The following HS3ST5 variants were observed in gnomAD, a reference collection of about 807,000 sequenced individuals.
HS3ST5 encodes heparan sulfate glucosamine 3-O-sulfotransferase 5.
Under a neutral mutation model 25.4 loss-of-function variants are expected in HS3ST5, and 10 were observed. The ratio of observed to expected loss-of-function variants is 0.39; its 90% CI spans 0.24 to 0.67. The LOEUF is 0.67. HS3ST5 is among the 30% of genes least tolerant of loss of function. HS3ST5 has a pLI of 0.44. For synonymous variants in HS3ST5, 170 were observed against 162.4 expected (o/e 1.05, Z -0.36); for missense variants, 324 against 420.7 (o/e 0.77, Z 2.01).
chr6:114,274,008 G>A (rs1773744114), intron 1 of HS3ST5, among the ~76,000 whole-genome samples: 2 of 152,016 alleles, frequency 1.3e-5, no homozygotes, highest in South Asian at 4.1e-4. Flanking sequence ...AGTAGAGAGG[G>A]ACATTTTGAT....
rs146027844 is a variant in HS3ST5, at chr6:114,173,924, T to A, written c.-144-5462A>T. Among the ~76,000 whole-genome samples the A allele has an allele frequency of 2.8e-3, 433 of 152,166 alleles. 1 individual carries two copies. Among genetic ancestry groups the A allele is most frequent in the African/African-American group, 9.7e-3 (403 of 41,530 alleles). On this transcript the variant is annotated intron_variant, in intron 2 of 4. Coordinates refer to ENST00000312719, the MANE Select transcript of HS3ST5 (RefSeq NM_153612.4). ...AAAACCCAAAAACAAAATCAAATGC[T>A]TTGTTTATTGGCAATGCAGACTCTG...
chr6:114,270,882 A>G (rs930933577), intron 1 of HS3ST5, among the ~76,000 whole-genome samples: 37 of 152,272 alleles, frequency 2.4e-4, no homozygotes, highest in African/African-American at 8.4e-4. Context: ...CAGATTAACA[A>G]TTATCACAGA....
intron 3 of HS3ST5, among the ~76,000 whole-genome samples, chr6:114,162,045 T>A (rs1779000376): frequency 6.6e-6 from 1 of 152,156 alleles, no homozygotes; most frequent in Non-Finnish European, 1.5e-5. Flanking sequence ...AGTTGAATTT[T>A]CATCTAATTG....
chr6:114,333,731 C>T (rs866575424), intron 1 of HS3ST5, among the ~76,000 whole-genome samples: 47 of 151,796 alleles, frequency 3.1e-4, no homozygotes, highest in African/African-American at 9.7e-4. Context: ...CTGCAAGCTC[C>T]GTCTCCCGGG....
At chr6:114,310,687 A>T (rs1011165272) in intron 1 of HS3ST5, among the ~76,000 whole-genome samples, 4 of 152,196 alleles carry the variant, frequency 2.6e-5, no homozygotes, top group African/African-American at 9.6e-5. Context: ...AGTTAAAAAT[A>T]TCTTATGTTG....
intron 3 of HS3ST5, among the ~76,000 whole-genome samples, chr6:114,144,070 A>G (rs1778037383): frequency 6.6e-6 from 1 of 152,236 alleles, no homozygotes. Flanking sequence ...GTGGGAAACC[A>G]GCAGGCAGTG....
chr6:114,276,630 AC>A (rs1773868939), intron 1 of HS3ST5, among the ~76,000 whole-genome samples: 1 of 151,578 alleles, frequency 6.6e-6, no homozygotes, highest in Non-Finnish European at 1.5e-5. Context: ...AAACAAAAAA[AC>A]AAAAAAACTC....
chr6:114,217,492 T>G (rs948683725), intron 2 of HS3ST5, among the ~76,000 whole-genome samples: 3 of 152,122 alleles, frequency 2.0e-5, no homozygotes, highest in African/African-American at 7.2e-5. Context: ...ATGAAAACAA[T>G]GAAAATGAAG....
At chr6:114,178,676 T>G (rs1202767959) in intron 2 of HS3ST5, 4 of 152,170 alleles carry the variant, frequency 2.6e-5, no homozygotes, top group Non-Finnish European at 1.5e-5. Flanking sequence ...AGAGACAAGG[T>G]TCAAGAGAGC....
chr6:114,107,416 A>C (rs1490612308), intron 3 of HS3ST5, among the ~76,000 whole-genome samples: 1 of 152,200 alleles, frequency 6.6e-6, no homozygotes, highest in African/African-American at 2.4e-5. Context: ...ATCACCAAAA[A>C]ACCTGCAGCT....
At chr6:114,173,144 T>C (rs1165827010) in intron 2 of HS3ST5, among the ~76,000 whole-genome samples, 1 of 152,184 alleles carries the variant, frequency 6.6e-6, no homozygotes, top group East Asian at 1.9e-4. Flanking sequence ...TTTTGATATA[T>C]TAGTACATGT....
chr6:114,287,269 T>C (rs895324236), intron 1 of HS3ST5, among the ~76,000 whole-genome samples: 2 of 151,988 alleles, frequency 1.3e-5, no homozygotes, highest in East Asian at 3.9e-4. Flanking sequence ...TATTTATATA[T>C]ATTTAATCAT....
At chr6:114,222,061 T>A (rs923975573) in intron 2 of HS3ST5, among the ~76,000 whole-genome samples, 1 of 151,890 alleles carries the variant, frequency 6.6e-6, no homozygotes, top group African/African-American at 2.4e-5. Flanking sequence ...GACTCCACTC[T>A]CCAAATCTAA....
At chr6:114,108,185 A>T (rs1776085378) in intron 3 of HS3ST5, among the ~76,000 whole-genome samples, 1 of 152,148 alleles carries the variant, frequency 6.6e-6, no homozygotes, top group South Asian at 2.1e-4. Context: ...ATAACAAGGG[A>T]TTGGAGCAAC....
intron 3 of HS3ST5, among the ~76,000 whole-genome samples, chr6:114,136,066 A>G (rs1304024604): frequency 6.6e-6 from 1 of 152,228 alleles, no homozygotes; most frequent in Non-Finnish European, 1.5e-5. Flanking sequence ...TGGTTGAATG[A>G]ATGAATAAAT....
intron 1 of HS3ST5, among the ~76,000 whole-genome samples, chr6:114,267,093 G>A (rs569632077): frequency 2.6e-5 from 4 of 152,162 alleles, no homozygotes; most frequent in South Asian, 2.1e-4. Flanking sequence ...AATGGCAATC[G>A]TGACACAAAA....
At chr6:114,081,534 G>A (rs1281157352) in intron 3 of HS3ST5, among the ~76,000 whole-genome samples, 1 of 152,184 alleles carries the variant, frequency 6.6e-6, no homozygotes, top group Non-Finnish European at 1.5e-5. Flanking sequence ...ACTCTCTCTG[G>A]ATGGAGCAAC....
intron 1 of HS3ST5, among the ~76,000 whole-genome samples, chr6:114,301,006 G>A (rs1350413473): frequency 6.6e-6 from 1 of 152,134 alleles, no homozygotes; most frequent in Non-Finnish European, 1.5e-5. Context: ...CGTTGGAGTG[G>A]GGGAGTCTGA....
intron 3 of HS3ST5, among the ~76,000 whole-genome samples, chr6:114,145,013 C>T (rs574887612): frequency 2.6e-5 from 4 of 152,276 alleles, no homozygotes; most frequent in South Asian, 4.1e-4. Context: ...CTGATGCTCA[C>T]GGAAATTACT....
Sources: allele counts gnomAD v4.1 joint callset (sites outside exome capture counted in the v4.1 genomes callset), GRCh38; gene constraint gnomAD v4.1.1; transcripts MANE v1.5; gene names NCBI Gene and HGNC (gene_info 2026-07-23, HGNC 2026-07-21).